CYP4F8: variants seen among roughly 807,000 people sequenced by gnomAD.
The protein encoded by CYP4F8 is cytochrome P450 4F8.
In CYP4F8, 56 loss-of-function variants were observed where a neutral mutation model predicts 55.0. That is an observed-to-expected ratio of 1.02 (90% confidence interval 0.82 to 1.27). CYP4F8 has a LOEUF of 1.27. CYP4F8 is among the 50% of genes most tolerant of loss of function. The pLI is 0.00. For missense variants in CYP4F8, 680 were observed against 682.4 expected (o/e 1.00, Z 0.04); for synonymous variants, 288 against 267.3 (o/e 1.08, Z -0.76).
chr19:15,628,160 G>A, intron 9 of CYP4F8, 142 bp from the exon 10 acceptor site: 1 of 1,326,994 alleles, frequency 7.5e-7, no homozygotes, highest in Non-Finnish European at 1.0e-6. Flanking sequence ...TGTGACTTTG[G>A]TTTTCTAATG....
intron 12 of CYP4F8, 118 bp from the exon 13 acceptor site, chr19:15,629,075 C>A: frequency 7.2e-6 from 10 of 1,395,826 alleles, no homozygotes; most frequent in Non-Finnish European, 9.5e-6. Context: ...GACCCAGCTT[C>A]CCCCCTGTCT....
Position 15,628,752 on chromosome 19 carries a change from C to G in CYP4F8, c.1315-9C>G. 6.2e-7 allele frequency: 1 copy of G among 1,613,522 alleles called. No homozygotes were observed. Among genetic ancestry groups the G allele is most frequent in the Non-Finnish European group, 8.5e-7 (1 of 1,179,786 alleles). ...CCCCATCAGCAGCCTTAACTTGCCT[C>G]CACCCCAGGTCTATGACCCCTTCCG... On this transcript the variant is annotated splice_polypyrimidine_tract_variant and intron_variant, in intron 11 of 12. Transcript: ENST00000612078.
intron 5 of CYP4F8, among the ~76,000 whole-genome samples, chr19:15,620,860 G>A (rs1972184603): frequency 6.6e-6 from 1 of 152,300 alleles, no homozygotes; most frequent in Non-Finnish European, 1.5e-5. Flanking sequence ...AGAAGAAATG[G>A]AGCCAAGCGT....
intron 9 of CYP4F8, 52 bp from the exon 10 acceptor site, chr19:15,628,250 G>T: frequency 1.9e-6 from 3 of 1,611,238 alleles, no homozygotes; most frequent in Non-Finnish European, 2.5e-6. Context: ...GTCTCCAGGG[G>T]CAGCAGGAGG....
Position 15,629,374 on chromosome 19 carries a change from A to G in CYP4F8, c.*16A>G. ...CCTGGGCTGAGGCCTGCAGTGACCC[A>G]CCCACCTACCTTTGCATCACCTACC... On this transcript the variant is annotated 3_prime_UTR_variant, in exon 13 of 13. Transcript: ENST00000612078. 6.3e-7 allele frequency: 1 copy of G among 1,585,330 alleles called. No individual in the cohort carries two copies. Among genetic ancestry groups the G allele is most frequent in the Non-Finnish European group, 8.6e-7 (1 of 1,165,432 alleles).
chr19:15,615,652 GCCGGTGGCAGCAT>G lies in CYP4F8; in HGVS notation c.39_51del (p.Val14ArgfsTer57). On this transcript the variant is annotated frameshift_variant, in exon 2 of 13. Coordinates refer to ENST00000612078, the MANE Select transcript of CYP4F8 (RefSeq NM_007253.4). LOFTEE classifies it high-confidence loss of function. ...TGAGCCTGTCTTGGCTGGGCCTCAG[GCCGGTGGCAGCAT>G]CCCCGTGGCTGCTCCTGCTGGTGGT... is the stretch of plus-strand genomic sequence containing the variant. 1 of 1,613,892 alleles carries G rather than the reference GCCGGTGGCAGCAT, an allele frequency of 6.2e-7. No homozygotes were observed. The highest frequency in any genetic ancestry group is 8.5e-7 in the Non-Finnish European group (1 of 1,179,924).
rs4410208 is a variant in CYP4F8, at chr19:15,630,459, C to T, written c.*1101C>T. Reference sequence around the variant, plus strand: ...TGCATTAGTTTGCTTAGGATAATGGCCCCCAGCTGCATCTATGTTGCTGCA... The same window carrying T: ...TGCATTAGTTTGCTTAGGATAATGGTCCCCAGCTGCATCTATGTTGCTGCA... On this transcript the variant is annotated 3_prime_UTR_variant, in exon 13 of 13. Transcript: ENST00000612078. The T allele has an allele frequency of 0.73, 111,760 of 152,118 alleles. 41,208 individuals carry two copies. The highest frequency in any genetic ancestry group is 0.76 in the Admixed American group (11,587 of 15,278). The allele number at this position is 152,118 out of a possible 1,614,324, so 9.4% of individuals were successfully genotyped here. A position where few individuals can be genotyped will look rare whatever the true frequency, so the allele number is the denominator to read the frequency against.
At chr19:15,621,067 G>C (rs1476842946) in intron 5 of CYP4F8, among the ~76,000 whole-genome samples, 2 of 152,150 alleles carry the variant, frequency 1.3e-5, no homozygotes, top group African/African-American at 4.8e-5. Context: ...GGGGTGATAA[G>C]GTGGGCTTCT....
chr19:15,628,592 T>A lies in CYP4F8; in HGVS notation c.1311T>A (p.Pro437=). Residue 437 remains proline, a synonymous_variant, in exon 11 of 13, where the codon CCT becomes CCA. Coordinates refer to ENST00000612078, the MANE Select transcript of CYP4F8 (RefSeq NM_007253.4). ...ACAACCCCTCAGTCTGGCCAGACCC[T>A]GAGGTGCTGCCCCTCCCTGTTTCTC... ...IHHNPSVWPD[P]EVYDPFRFDP... 6.2e-7 allele frequency: 1 copy of A among 1,613,644 alleles called. No homozygotes were observed. The highest frequency in any genetic ancestry group is 8.5e-7 in the Non-Finnish European group (1 of 1,179,692).
chr19:15,627,133 A>C (rs1265588978), intron 9 of CYP4F8: 1 of 152,126 alleles, frequency 6.6e-6, no homozygotes, highest in Admixed American at 6.6e-5. Flanking sequence ...ATATCTCTTA[A>C]TATCTGGAAG....
chr19:15,628,487 A>T (rs1049807310), intron 10 of CYP4F8, 44 bp from the exon 11 acceptor site: 1 of 1,613,388 alleles, frequency 6.2e-7, no homozygotes, highest in African/African-American at 1.3e-5. Context: ...TGGTCCCAGC[A>T]GGCAGCTCGG....
intron 2 of CYP4F8, among the ~76,000 whole-genome samples, chr19:15,616,757 G>C (rs1040966152): frequency 1.5e-4 from 23 of 152,190 alleles, no homozygotes; most frequent in African/African-American, 5.3e-4. Context: ...AAATTGGCCA[G>C]TGACTTCCTC....
chr19:15,620,064 A>T (rs1972174468), intron 5 of CYP4F8, among the ~76,000 whole-genome samples: 1 of 152,236 alleles, frequency 6.6e-6, no homozygotes, highest in Non-Finnish European at 1.5e-5. Context: ...CTGAGTACAG[A>T]TCACTTCAAA....
chr19:15,623,474 C>T (rs1243914292), intron 7 of CYP4F8, 99 bp downstream of exon 7: 2 of 1,529,358 alleles, frequency 1.3e-6, no homozygotes, highest in Non-Finnish European at 1.8e-6. Flanking sequence ...ACTAAGGAGC[C>T]ATGGAAGGTG....
At chr19:15,622,174 G>T in intron 5 of CYP4F8, 45 bp from the exon 6 acceptor site, 1 of 1,584,356 alleles carries the variant, frequency 6.3e-7, no homozygotes, top group Non-Finnish European at 8.6e-7. Flanking sequence ...GGGGGACTCA[G>T]AGGAGCCAAG....
chr19:15,626,992 T>A (rs1427779586), intron 9 of CYP4F8, among the ~76,000 whole-genome samples: 1 of 152,208 alleles, frequency 6.6e-6, no homozygotes, highest in Non-Finnish European at 1.5e-5. Context: ...CTTTAGCAGA[T>A]GTTAAGTTTC....
chr19:15,622,622 GT>G (rs72532320), intron 6 of CYP4F8, among the ~76,000 whole-genome samples: 23,052 of 152,134 alleles, frequency 0.15, 2,101 homozygotes, highest in Middle Eastern at 0.23. Context: ...GGGGTTGGCA[GT>G]TAACTAGATC....
intron 3 of CYP4F8, chr19:15,618,692 A>G (rs1972155381): frequency 4.1e-6 from 1 of 246,370 alleles, no homozygotes; most frequent in Non-Finnish European, 8.0e-6. Flanking sequence ...GGCCCAGAGC[A>G]AGGACAAGAA....
At chr19:15,629,053 A>G in intron 12 of CYP4F8, 140 bp from the exon 13 acceptor site, 1 of 1,327,874 alleles carries the variant, frequency 7.5e-7, no homozygotes, top group Middle Eastern at 2.7e-4. Flanking sequence ...GCAAGCCCAC[A>G]TGGGGGTCCC....
Sources: allele counts gnomAD v4.1 joint callset (sites outside exome capture counted in the v4.1 genomes callset), GRCh38; gene constraint gnomAD v4.1.1; transcripts MANE v1.5; gene names NCBI Gene and HGNC (gene_info 2026-07-23, HGNC 2026-07-21).